SLC16A10: variants seen among roughly 807,000 people sequenced by gnomAD.
The protein encoded by SLC16A10 is monocarboxylate transporter 10.
Under a neutral mutation model 40.0 loss-of-function variants are expected in SLC16A10, and 27 were observed. That is an observed-to-expected ratio of 0.67 (90% confidence interval 0.50 to 0.93). The LOEUF (loss-of-function observed/expected upper bound fraction) is 0.93, where lower values mean the gene tolerates loss of function less well. SLC16A10 is among the 40% of genes least tolerant of loss of function. The probability of loss-of-function intolerance (pLI) is 0.00; values close to 1 mark genes in which losing one functional copy is unlikely to be tolerated. For synonymous variants in SLC16A10, 213 were observed against 249.8 expected, an observed-to-expected ratio of 0.85 and a Z score of 1.39; for missense variants, 529 against 658.2, an observed-to-expected ratio of 0.80 and a Z score of 2.15.
At chr6:111,107,275 G>A (rs1003539718) in intron 1 of SLC16A10, among the ~76,000 whole-genome samples, 3 of 152,208 alleles carry the variant, frequency 2.0e-5, no homozygotes, top group South Asian at 2.1e-4. Context: ...TGAACAGTTC[G>A]AGACATTAAG....
intron 1 of SLC16A10, among the ~76,000 whole-genome samples, chr6:111,113,884 G>A (rs984092022): frequency 7.9e-5 from 12 of 152,122 alleles, no homozygotes; most frequent in African/African-American, 2.9e-4. Context: ...TAAAAGCCGG[G>A]TCTGAGGTCT....
intron 5 of SLC16A10, 37 bp downstream of exon 5, chr6:111,219,079 A>G (rs753309994): frequency 6.4e-7 from 1 of 1,559,760 alleles, no homozygotes; most frequent in South Asian, 1.1e-5. Context: ...ATATTAATTC[A>G]TAGTATTTTC....
intron 1 of SLC16A10, among the ~76,000 whole-genome samples, chr6:111,135,609 C>T (rs1771864068): frequency 6.6e-6 from 1 of 152,182 alleles, no homozygotes; most frequent in South Asian, 2.1e-4. Flanking sequence ...ACTCTCAATT[C>T]TTGTTTGCCT....
Position 111,172,765 on chromosome 6 carries a change from A to C in SLC16A10, c.414A>C (p.Leu138=). 3.1e-6 allele frequency: 5 copies of C among 1,614,106 alleles called. No individual in the cohort carries two copies. Among genetic ancestry groups the C allele is most frequent in the Non-Finnish European group, 4.2e-6 (5 of 1,180,008 alleles). The part of the protein sequence containing the change: ...CCPIVSVFTD[L]FGCRKTAVVG... ...CAATAGTCAGCGTCTTCACAGACCT[A>C]TTTGGTTGTCGGAAAACAGCTGTCG... Residue 138 remains leucine, a synonymous_variant, in exon 2 of 6, where the codon CTA becomes CTC. Coordinates refer to ENST00000368851, the MANE Select transcript of SLC16A10 (RefSeq NM_018593.5).
At chr6:111,095,240 T>C (rs1241853425) in intron 1 of SLC16A10, among the ~76,000 whole-genome samples, 1 of 152,242 alleles carries the variant, frequency 6.6e-6, no homozygotes, top group Non-Finnish European at 1.5e-5. Context: ...TTTGCCTCTG[T>C]ACCTTTGTGT....
At position 111,088,058 on chromosome 6, in the gene SLC16A10, C is replaced by T. The variant is rs1450229114; in HGVS notation, c.306C>T (p.Phe102=). 1.9e-6 allele frequency: 3 copies of T among 1,608,326 alleles called. No individual in the cohort carries two copies. Among genetic ancestry groups the T allele is most frequent in the East Asian group, 2.3e-5 (1 of 44,378 alleles). The change falls in exon 1 of 6, where the codon TTC becomes TTT. Residue 102 remains phenylalanine (F), a synonymous_variant. Transcript: ENST00000368851. ...TCTTCGTGTCCATGCTGGAAACCTT[C>T]GGCTCCAAAGACGATGACAAGATGG... The part of the protein sequence containing the change: ...GVLFVSMLET[F]GSKDDDKMVF...
intron 1 of SLC16A10, among the ~76,000 whole-genome samples, chr6:111,089,185 G>A (rs1239043705): frequency 6.6e-6 from 1 of 152,076 alleles, no homozygotes; most frequent in Non-Finnish European, 1.5e-5. Context: ...GAATGGGCAA[G>A]ACTGTAATAA....
At chr6:111,101,820 C>T (rs1176836308) in intron 1 of SLC16A10, among the ~76,000 whole-genome samples, 5 of 152,152 alleles carry the variant, frequency 3.3e-5, no homozygotes, top group Non-Finnish European at 5.9e-5. Context: ...AGGGTTTCGC[C>T]GTGTTGGCCA....
chr6:111,144,202 A>G (rs931064616), intron 1 of SLC16A10, among the ~76,000 whole-genome samples: 3 of 152,060 alleles, frequency 2.0e-5, no homozygotes, highest in African/African-American at 2.4e-5. Flanking sequence ...TATTTGAATT[A>G]TTATTATTAT....
chr6:111,198,095 C>G (rs1286146354), intron 3 of SLC16A10, among the ~76,000 whole-genome samples: 1 of 151,982 alleles, frequency 6.6e-6, no homozygotes, highest in Non-Finnish European at 1.5e-5. Context: ...GAGACCAGCA[C>G]GGGCAACATG....
chr6:111,136,041 G>A (rs895101449), intron 1 of SLC16A10, among the ~76,000 whole-genome samples: 5 of 152,164 alleles, frequency 3.3e-5, no homozygotes, highest in African/African-American at 1.2e-4. Context: ...GGCATAACAG[G>A]CATAACAGGT....
At chr6:111,158,708 C>A (rs1390885774) in intron 1 of SLC16A10, among the ~76,000 whole-genome samples, 1 of 152,042 alleles carries the variant, frequency 6.6e-6, no homozygotes, top group East Asian at 1.9e-4. Context: ...ATATTTTAAA[C>A]AAACAAAAAT....
At position 111,227,180 on chromosome 6, in the gene SLC16A10, T is replaced by C. The variant is rs1771017813; in HGVS notation, c.*4945T>C. ...TACTATACATGCTGACTTTTGTTGATAGCTTGGTCTAAAAAGACTGTCTAG... is the reference window on the plus strand; with the variant it reads ...TACTATACATGCTGACTTTTGTTGACAGCTTGGTCTAAAAAGACTGTCTAG... On this transcript the variant is annotated 3_prime_UTR_variant, in exon 6 of 6. Transcript: ENST00000368851. 1 of 152,240 alleles carries C rather than the reference T, an allele frequency of 6.6e-6. No individual in the cohort carries two copies. Among genetic ancestry groups the C allele is most frequent in the African/African-American group, 2.4e-5 (1 of 41,452 alleles). The allele number at this position is 152,240 out of a possible 1,614,324, so 9.4% of individuals were successfully genotyped here.
chr6:111,128,846 A>G (rs1771728619), intron 1 of SLC16A10, among the ~76,000 whole-genome samples: 1 of 152,042 alleles, frequency 6.6e-6, no homozygotes, highest in Non-Finnish European at 1.5e-5. Flanking sequence ...TATTTTTCAT[A>G]TTCATATTTT....
At chr6:111,185,095 G>A (rs1436192678) in intron 3 of SLC16A10, among the ~76,000 whole-genome samples, 6 of 152,162 alleles carry the variant, frequency 3.9e-5, no homozygotes, top group Admixed American at 3.9e-4. Flanking sequence ...TTGATTATGT[G>A]TCAAGCACTT....
chr6:111,221,964 C>T (rs1226480779), intron 5 of SLC16A10, 39 bp from the exon 6 acceptor site: 1 of 1,572,382 alleles, frequency 6.4e-7, no homozygotes, highest in East Asian at 2.3e-5. Flanking sequence ...TACAGAGCCA[C>T]ACTTGTTCTC....
intron 1 of SLC16A10, among the ~76,000 whole-genome samples, chr6:111,103,294 G>A (rs1480793207): frequency 2.0e-5 from 3 of 151,834 alleles, no homozygotes; most frequent in South Asian, 2.1e-4. Context: ...CTTGGCTTAC[G>A]GCCACTTCCA....
intron 1 of SLC16A10, among the ~76,000 whole-genome samples, chr6:111,094,126 G>A (rs934069431): frequency 6.6e-6 from 1 of 152,158 alleles, no homozygotes; most frequent in Non-Finnish European, 1.5e-5. Flanking sequence ...CGATTTTGAG[G>A]TGTCTTTTAG....
At chr6:111,135,742 G>T (rs1202650394) in intron 1 of SLC16A10, among the ~76,000 whole-genome samples, 1 of 152,170 alleles carries the variant, frequency 6.6e-6, no homozygotes, top group Non-Finnish European at 1.5e-5. Flanking sequence ...CTCATACCTG[G>T]ATATTCTTGT....
Sources: allele counts gnomAD v4.1 joint callset (sites outside exome capture counted in the v4.1 genomes callset), GRCh38; gene constraint gnomAD v4.1.1; transcripts MANE v1.5; gene names NCBI Gene and HGNC (gene_info 2026-07-23, HGNC 2026-07-21).